The following SDC2 variants were observed in gnomAD, a reference collection of about 807,000 sequenced individuals.
SDC2 encodes the protein syndecan 2.
In SDC2, 13 loss-of-function variants were observed where a neutral mutation model predicts 22.2. The observed-to-expected ratio is 0.59, with a 90% CI of 0.38 to 0.93. SDC2 has a LOEUF of 0.93. Ranked by LOEUF, SDC2 falls within the 40% of genes least tolerant of loss-of-function variation. SDC2 has a pLI of 0.00. For missense variants in SDC2, 235 were observed against 246.8 expected, an observed-to-expected ratio of 0.95 and a Z score of 0.32; for synonymous variants, 94 against 92.8, an observed-to-expected ratio of 1.01 and a Z score of -0.07.
chr8:96,516,444 C>T (rs898720698), intron 1 of SDC2, among the ~76,000 whole-genome samples: 2 of 152,048 alleles, frequency 1.3e-5, no homozygotes, highest in African/African-American at 4.8e-5. Flanking sequence ...AATGTACCTG[C>T]CACAAAAATT....
rs577267785 is a variant in SDC2 at position 96,609,433 on chromosome 8, T to C, written c.491T>C (p.Ile164Thr). ...GGCTTTCTCTTTGCAATTTTTCTTA[T>C]CCTGCTGTTGGTGTATCGCATGAGA... Reference protein sequence around the residue: ...VIGFLFAIFLILLLVYRMRKK... With the variant: ...VIGFLFAIFLTLLLVYRMRKK... The change falls in exon 5 of 5, where the codon ATC becomes ACC. Residue 164 changes from isoleucine to threonine, a missense_variant. Transcript: ENST00000302190. The C allele has an allele frequency of 1.9e-6, 3 of 1,613,562 alleles. No individual in the cohort carries two copies. The highest frequency in any genetic ancestry group is 2.2e-5 in the South Asian group (2 of 90,986).
chr8:96,527,230 C>T (rs1813591774), intron 1 of SDC2, among the ~76,000 whole-genome samples: 1 of 147,964 alleles, frequency 6.8e-6, no homozygotes, highest in South Asian at 2.2e-4. Flanking sequence ...TTCATTATTT[C>T]TGCCTTGGGA....
At chr8:96,569,167 C>T (rs1030900418) in intron 1 of SDC2, among the ~76,000 whole-genome samples, 1 of 152,124 alleles carries the variant, frequency 6.6e-6, no homozygotes, top group Non-Finnish European at 1.5e-5. Flanking sequence ...ACCAACACGT[C>T]CGGATAATTT....
chr8:96,520,547 G>A (rs1563646776), intron 1 of SDC2, among the ~76,000 whole-genome samples: 1 of 152,134 alleles, frequency 6.6e-6, no homozygotes, highest in Non-Finnish European at 1.5e-5. Flanking sequence ...TTGTGGACAG[G>A]GTGTGTGCTT....
intron 1 of SDC2, among the ~76,000 whole-genome samples, chr8:96,569,509 A>G (rs1814355988): frequency 6.6e-6 from 1 of 152,166 alleles, no homozygotes; most frequent in Admixed American, 6.6e-5. Context: ...TGTAAGAGCA[A>G]GAGCCTTATA....
chr8:96,514,155 A>G (rs1813368771), intron 1 of SDC2, among the ~76,000 whole-genome samples: 1 of 152,220 alleles, frequency 6.6e-6, no homozygotes, highest in South Asian at 2.1e-4. Context: ...GGGACTGTGT[A>G]TGTAACCATT....
chr8:96,521,970 C>T (rs1481833627), intron 1 of SDC2, among the ~76,000 whole-genome samples: 1 of 152,154 alleles, frequency 6.6e-6, no homozygotes. Flanking sequence ...TATTTTTATA[C>T]TTCTTAATTA....
At chr8:96,580,432 C>T (rs1233917799) in intron 1 of SDC2, 1 of 985,388 alleles carries the variant, frequency 1.0e-6, no homozygotes. Context: ...CCTCCATATC[C>T]TCAGCTGTTG....
At chr8:96,566,501 C>G (rs1328835432) in intron 1 of SDC2, among the ~76,000 whole-genome samples, 1 of 152,028 alleles carries the variant, frequency 6.6e-6, no homozygotes, top group Non-Finnish European at 1.5e-5. Flanking sequence ...TGGATCATAA[C>G]AAATTTTGTT....
chr8:96,504,945 G>C (rs1207155338), intron 1 of SDC2, among the ~76,000 whole-genome samples: 1 of 152,022 alleles, frequency 6.6e-6, no homozygotes, highest in African/African-American at 2.4e-5. Flanking sequence ...TTAAAGGGGG[G>C]CTGTTCTCTG....
intron 1 of SDC2, among the ~76,000 whole-genome samples, chr8:96,526,431 G>T (rs965478034): frequency 1.3e-5 from 2 of 150,918 alleles, no homozygotes; most frequent in African/African-American, 2.5e-5. Context: ...TAAGTGGAGG[G>T]ACCAAATATT....
chr8:96,524,813 C>T (rs2439525), intron 1 of SDC2, among the ~76,000 whole-genome samples: 117,759 of 152,146 alleles, frequency 0.77, 46,404 homozygotes, highest in Middle Eastern at 0.85. Flanking sequence ...TTGGGCTGTT[C>T]AATGAGACCT....
Position 96,521,544 on chromosome 8 carries a change from T to A in SDC2, c.60+27213T>A, listed in dbSNP as rs1453485668. 2.0e-5 allele frequency among the ~76,000 whole-genome samples: 3 copies of A among 152,310 alleles called. No individual in the cohort carries two copies. In the East Asian group the frequency reaches 5.8e-4, roughly 29 times the overall value. ...GGAGAAGGTAGGTGGGCTCGCATTA[T>A]CTGTGTTGTAAGAAAAGTGTGTGAG... On this transcript the variant is annotated intron_variant, in intron 1 of 4. Coordinates refer to ENST00000302190, the MANE Select transcript of SDC2 (RefSeq NM_002998.4).
chr8:96,572,944 T>C (rs1033027021), intron 1 of SDC2, among the ~76,000 whole-genome samples: 4 of 152,202 alleles, frequency 2.6e-5, no homozygotes, highest in African/African-American at 9.6e-5. Flanking sequence ...CATGTCAGGA[T>C]TGGTCAGATT....
At chr8:96,515,791 G>A (rs949075809) in intron 1 of SDC2, among the ~76,000 whole-genome samples, 3 of 152,086 alleles carry the variant, frequency 2.0e-5, no homozygotes, top group Non-Finnish European at 2.9e-5. Flanking sequence ...TCCCAAAGGC[G>A]GATATTTTTA....
intron 2 of SDC2, among the ~76,000 whole-genome samples, chr8:96,600,417 A>C (rs968440942): frequency 1.1e-4 from 17 of 152,220 alleles, no homozygotes; most frequent in African/African-American, 4.1e-4. Context: ...CTCAAATGCT[A>C]TTCTAGTGAA....
chr8:96,518,275 A>T (rs1441590806), intron 1 of SDC2, among the ~76,000 whole-genome samples: 1 of 152,164 alleles, frequency 6.6e-6, no homozygotes, highest in Non-Finnish European at 1.5e-5. Flanking sequence ...CCTGACAGAA[A>T]AAAAAAGAAA....
Position 96,494,270 on chromosome 8 carries a change from A to G in SDC2, c.-2A>G. 4 of 1,545,110 alleles carry G rather than the reference A, an allele frequency of 2.6e-6. No homozygotes were observed. Among genetic ancestry groups the G allele is most frequent in the South Asian group, 1.2e-5 (1 of 84,086 alleles). ...GCTGGGAGCAGCCGGTCCCTGGGGA[A>G]TATGCGGCGCGCGTGGATCCTGCTC... On this transcript the variant is annotated 5_prime_UTR_variant, in exon 1 of 5. Transcript: ENST00000302190.
chr8:96,547,211 G>T (rs891537592), intron 1 of SDC2, among the ~76,000 whole-genome samples: 1 of 152,200 alleles, frequency 6.6e-6, no homozygotes, highest in Non-Finnish European at 1.5e-5. Flanking sequence ...TTATCTTAAA[G>T]ATTTGAGTTG....
Sources: allele counts gnomAD v4.1 joint callset (sites outside exome capture counted in the v4.1 genomes callset), GRCh38; gene constraint gnomAD v4.1.1; transcripts MANE v1.5; gene names NCBI Gene and HGNC (gene_info 2026-07-23, HGNC 2026-07-21).